PPP3CB: variants seen among roughly 807,000 people sequenced by gnomAD.
PPP3CB encodes protein phosphatase 3 catalytic subunit beta, also known as serine/threonine-protein phosphatase 2B catalytic subunit beta isoform.
Under a neutral mutation model 66.4 loss-of-function variants are expected in PPP3CB, and 8 were observed. The ratio of observed to expected loss-of-function variants is 0.12; its 90% CI spans 0.07 to 0.22. The LOEUF (loss-of-function observed/expected upper bound fraction) is 0.22. Ranked by LOEUF, PPP3CB falls within the 10% of genes least tolerant of loss-of-function variation. The probability of loss-of-function intolerance (pLI) is 1.00; values close to 1 mark genes in which losing one functional copy is unlikely to be tolerated. For synonymous variants in PPP3CB, 208 were observed against 221.2 expected, an observed-to-expected ratio of 0.94 and a Z score of 0.53; for missense variants, 319 against 642.5, an observed-to-expected ratio of 0.50 and a Z score of 5.44.
chr10:73,492,078 T>C (rs1167046303), intron 1 of PPP3CB, among the ~76,000 whole-genome samples: 1 of 152,170 alleles, frequency 6.6e-6, no homozygotes, highest in Non-Finnish European at 1.5e-5. Flanking sequence ...GCAGGGCAAC[T>C]GGCAACAGAA....
chr10:73,491,644 G>C (rs563390057), intron 1 of PPP3CB, among the ~76,000 whole-genome samples: 1 of 152,276 alleles, frequency 6.6e-6, no homozygotes, highest in African/African-American at 2.4e-5. Context: ...AAGTAGCTAT[G>C]TCACACCAAG....
At chr10:73,443,555 C>T (rs947592496) in intron 12 of PPP3CB, among the ~76,000 whole-genome samples, 1 of 152,114 alleles carries the variant, frequency 6.6e-6, no homozygotes, top group African/African-American at 2.4e-5. Flanking sequence ...CCTTAGAGGG[C>T]TGTCAAAAGT....
intron 1 of PPP3CB, among the ~76,000 whole-genome samples, chr10:73,488,354 G>C (rs953439137): frequency 6.6e-6 from 1 of 151,974 alleles, no homozygotes; most frequent in African/African-American, 2.4e-5. Flanking sequence ...AGACCAATCT[G>C]GGCAACATAG....
chr10:73,456,464 A>T (rs2056429064), intron 9 of PPP3CB, among the ~76,000 whole-genome samples: 1 of 152,220 alleles, frequency 6.6e-6, no homozygotes, highest in Admixed American at 6.5e-5. Flanking sequence ...TTCTAAACAG[A>T]AGTTAAAAAA....
chr10:73,478,402 A>G (rs1386461017), intron 3 of PPP3CB, 97 bp downstream of exon 3: 6 of 1,141,874 alleles, frequency 5.3e-6, no homozygotes, highest in Non-Finnish European at 7.4e-6. Flanking sequence ...AGAGTTATTA[A>G]AAAAACCTAA....
intron 9 of PPP3CB, among the ~76,000 whole-genome samples, chr10:73,458,299 G>T (rs1270709812): frequency 2.6e-5 from 4 of 151,974 alleles, no homozygotes; most frequent in Non-Finnish European, 5.9e-5. Context: ...ACCACACTCA[G>T]CTAATTTTTG....
intron 1 of PPP3CB, among the ~76,000 whole-genome samples, chr10:73,482,401 G>A (rs1332721576): frequency 6.6e-6 from 1 of 151,532 alleles, no homozygotes; most frequent in Non-Finnish European, 1.5e-5. Flanking sequence ...AAATTAGCTG[G>A]GTGTGGTGGT....
At chr10:73,474,147 ATTC>A (rs1416903690) in intron 4 of PPP3CB, among the ~76,000 whole-genome samples, 1 of 151,948 alleles carries the variant, frequency 6.6e-6, no homozygotes, top group Non-Finnish European at 1.5e-5. Flanking sequence ...GGTTCAAGTG[ATTC>A]TCCTGCCTCA....
At chr10:73,463,211 C>T (rs563508316) in intron 9 of PPP3CB, among the ~76,000 whole-genome samples, 1 of 152,270 alleles carries the variant, frequency 6.6e-6, no homozygotes, top group East Asian at 1.9e-4. Flanking sequence ...TCTCCCCACT[C>T]TCCGTTCCTA....
intron 2 of PPP3CB, 37 bp from the exon 3 acceptor site, chr10:73,478,660 C>G (rs761164286): frequency 1.3e-6 from 2 of 1,581,180 alleles, no homozygotes; most frequent in African/African-American, 2.7e-5. Context: ...GGAAAAAAAT[C>G]TCTAAAACAA....
At chr10:73,454,621 G>A (rs909571991) in intron 9 of PPP3CB, 132 bp from the exon 10 acceptor site, 6 of 475,394 alleles carry the variant, frequency 1.3e-5, no homozygotes, top group Non-Finnish European at 2.2e-5. Context: ...TACCAAGATC[G>A]ATGGAATTTA....
intron 12 of PPP3CB, among the ~76,000 whole-genome samples, chr10:73,441,896 C>T (rs539259224): frequency 2.0e-5 from 3 of 152,032 alleles, no homozygotes; most frequent in East Asian, 1.9e-4. Context: ...GTTCTTGAAA[C>T]GACAATTTTT....
At chr10:73,487,404 G>A (rs1004774372) in intron 1 of PPP3CB, among the ~76,000 whole-genome samples, 12 of 151,132 alleles carry the variant, frequency 7.9e-5, no homozygotes, top group East Asian at 2.0e-4. Context: ...AAAAATTAGC[G>A]GGGCGTGGTG....
At chr10:73,472,492 C>CT (rs1339557884) in intron 4 of PPP3CB, among the ~76,000 whole-genome samples, 1 of 141,560 alleles carries the variant, frequency 7.1e-6, no homozygotes, top group African/African-American at 2.8e-5. Context: ...AAGACTCTGT[C>CT]TCAAAAAAAA....
At chr10:73,478,708 CAT>C in intron 2 of PPP3CB, 85 bp from the exon 3 acceptor site, 1 of 1,204,960 alleles carries the variant, frequency 8.3e-7, no homozygotes, top group South Asian at 1.4e-5. Flanking sequence ...TTACATAAGA[CAT>C]AGTACAAATG....
chr10:73,482,388 C>CA, intron 1 of PPP3CB, among the ~76,000 whole-genome samples: 1 of 151,422 alleles, frequency 6.6e-6, no homozygotes, highest in Non-Finnish European at 1.5e-5. Context: ...ACTAAAAATA[C>CA]AAAAATTAGC....
chr10:73,486,874 A>G (rs2056987351), intron 1 of PPP3CB, among the ~76,000 whole-genome samples: 1 of 152,108 alleles, frequency 6.6e-6, no homozygotes, highest in Admixed American at 6.5e-5. Context: ...CCTGCTATCT[A>G]TTAAACTAAT....
At chr10:73,465,972 A>C (rs796454817) in intron 9 of PPP3CB, among the ~76,000 whole-genome samples, 5 of 152,366 alleles carry the variant, frequency 3.3e-5, no homozygotes, top group African/African-American at 1.2e-4. Context: ...AAAATGGTCA[A>C]AAAGTTTGAA....
intron 1 of PPP3CB, among the ~76,000 whole-genome samples, chr10:73,495,270 C>A (rs544423134): frequency 6.6e-6 from 1 of 152,222 alleles, no homozygotes; most frequent in African/African-American, 2.4e-5. Context: ...CCCCTAATTT[C>A]TGCTCCGGGT....
Sources: gnomAD v4.1 joint callset for allele counts (sites outside exome capture counted in the v4.1 genomes callset) on GRCh38, gnomAD v4.1.1 for gene constraint, MANE v1.5 for transcripts, NCBI Gene and HGNC (gene_info 2026-07-23, HGNC 2026-07-21) for gene names.